Variants in VPS13A observed in about 807,000 individuals in gnomAD.
The protein encoded by VPS13A is intermembrane lipid transfer protein VPS13A.
Under a neutral mutation model 390.9 loss-of-function variants are expected in VPS13A, and 264 were observed. The observed-to-expected ratio is 0.68, with a 90% CI of 0.61 to 0.75. VPS13A has a LOEUF of 0.75. Ranked by LOEUF, VPS13A falls within the 30% of genes least tolerant of loss-of-function variation. VPS13A has a pLI of 0.00. For synonymous variants in VPS13A, 1,231 were observed against 1,227.1 expected (o/e 1.00, Z -0.07); for missense variants, 3,409 against 3,733.9 (o/e 0.91, Z 2.27).
Position 77,214,363 on chromosome 9 carries a change from T to C in VPS13A, c.731T>C (p.Ile244Thr), listed in dbSNP as rs1333039005. The C allele has an allele frequency of 6.2e-7, 1 of 1,613,138 alleles. No individual in the cohort carries two copies. The highest frequency in any genetic ancestry group is 1.1e-5 in the South Asian group (1 of 91,064). ...AAGAATGGCATTGTCAATGAAAATATTGTTCCAGAAGGTTATGATTTTGGT... is the reference window on the plus strand; with the variant it reads ...AAGAATGGCATTGTCAATGAAAATACTGTTCCAGAAGGTTATGATTTTGGT... ...DLKNGIVNEN[I>T]VPEGYDFVFR... Residue 244 changes from isoleucine to threonine, a missense_variant, in exon 10 of 72, where the codon ATT (isoleucine) becomes ACT (threonine). This residue lies in a region of VPS13A where 2,717 missense variants were observed against 2,917.4 expected (regional missense o/e 0.93). Coordinates refer to ENST00000360280, the MANE Select transcript of VPS13A (RefSeq NM_033305.3).
At chr9:77,325,094 C>G (rs1829937920) in intron 45 of VPS13A, among the ~76,000 whole-genome samples, 1 of 152,178 alleles carries the variant, frequency 6.6e-6, no homozygotes, top group Non-Finnish European at 1.5e-5. Flanking sequence ...AAAAATCAGG[C>G]AAGTACTCAC....
chr9:77,281,351 A>C (rs1165534192), intron 27 of VPS13A, among the ~76,000 whole-genome samples: 1 of 152,218 alleles, frequency 6.6e-6, no homozygotes, highest in Non-Finnish European at 1.5e-5. Context: ...TAGTTAGCTT[A>C]ATTTAATCAT....
At chr9:77,202,652 G>A (rs1170061490) in intron 3 of VPS13A, among the ~76,000 whole-genome samples, 1 of 152,140 alleles carries the variant, frequency 6.6e-6, no homozygotes, top group East Asian at 1.9e-4. Context: ...TTCAGTGTAT[G>A]TAAATTTAAC....
chr9:77,386,012 AAAAC>A (rs1399584992), intron 68 of VPS13A, among the ~76,000 whole-genome samples: 2 of 152,202 alleles, frequency 1.3e-5, no homozygotes, highest in East Asian at 1.9e-4. Context: ...AATTTGTTTG[AAAAC>A]AAACTTACTA....
intron 22 of VPS13A, among the ~76,000 whole-genome samples, chr9:77,253,692 C>T (rs1218376878): frequency 6.6e-6 from 1 of 152,094 alleles, no homozygotes; most frequent in Non-Finnish European, 1.5e-5. Context: ...TCTGTGTTTC[C>T]TTATCACTCT....
At position 77,416,782 on chromosome 9, in the gene VPS13A, T is replaced by C. The variant is rs1835182169; in HGVS notation, c.*776T>C. On this transcript the variant is annotated 3_prime_UTR_variant, in exon 72 of 72. Coordinates refer to ENST00000360280, the MANE Select transcript of VPS13A (RefSeq NM_033305.3). Reference sequence around the variant, plus strand: ...CCAAGTCATGTTTTTAATAGACTGCTAATATCAAAGGAGAATTTTTAAAGC... The same window carrying C: ...CCAAGTCATGTTTTTAATAGACTGCCAATATCAAAGGAGAATTTTTAAAGC... 2 of 152,740 alleles carry C rather than the reference T, an allele frequency of 1.3e-5. No individual in the cohort carries two copies. The highest frequency in any genetic ancestry group is 4.8e-5 in the African/African-American group (2 of 41,570). 9.5% of individuals were successfully genotyped at this position (152,740 alleles called of 1,614,324 possible).
At chr9:77,389,650 A>G (rs1833828803) in intron 68 of VPS13A, 1 of 152,064 alleles carries the variant, frequency 6.6e-6, no homozygotes. Flanking sequence ...TTTTCGTTAA[A>G]CATTTCTACC....
intron 68 of VPS13A, among the ~76,000 whole-genome samples, chr9:77,393,656 C>G (rs184090616): frequency 6.6e-6 from 1 of 152,252 alleles, no homozygotes; most frequent in African/African-American, 2.4e-5. Flanking sequence ...CTCTTGAGCC[C>G]GAGTGACTAG....
At chr9:77,257,409 A>T (rs1286531568) in intron 22 of VPS13A, among the ~76,000 whole-genome samples, 3 of 151,820 alleles carry the variant, frequency 2.0e-5, no homozygotes, top group Non-Finnish European at 2.9e-5. Context: ...TAATTTTTAA[A>T]TTTTTTTGTA....
rs199911832 is a variant in VPS13A at position 77,407,860 on chromosome 9, CTAAT to C, written c.9474+259_9474+262del. Among the ~76,000 whole-genome samples the C allele has an allele frequency of 7.0e-3, 1,058 of 152,120 alleles. 8 individuals carry two copies. The highest frequency in any genetic ancestry group is 0.02 in the Middle Eastern group (6 of 294). ...CTCCATCTTATTTTAAATGCTAACT[CTAAT>C]TAATTTTTTTTAATAAAAAAGTCAA... On this transcript the variant is annotated intron_variant, in intron 71 of 71. Transcript: ENST00000360280.
intron 68 of VPS13A, among the ~76,000 whole-genome samples, chr9:77,383,703 A>G (rs1350466402): frequency 1.3e-5 from 2 of 151,982 alleles, no homozygotes; most frequent in Non-Finnish European, 2.9e-5. Flanking sequence ...TTTGAGATGT[A>G]AAAACATGAC....
Position 77,242,501 on chromosome 9 carries a change from C to G in VPS13A, c.1900+4115C>G, listed in dbSNP as rs7025376. Among the ~76,000 whole-genome samples the G allele has an allele frequency of 1.7e-3, 265 of 152,102 alleles. 2 individuals carry two copies. Among genetic ancestry groups the G allele is most frequent in the African/African-American group, 5.8e-3 (241 of 41,540 alleles). On this transcript the variant is annotated intron_variant, in intron 19 of 71. Transcript: ENST00000360280. ...CTGAATAGTTTTAAATTAGATTGTA[C>G]ATGAATACCTTACCTCTAGAAACTG...
intron 23 of VPS13A, among the ~76,000 whole-genome samples, chr9:77,263,091 A>G (rs980956550): frequency 6.7e-5 from 10 of 148,734 alleles, no homozygotes; most frequent in African/African-American, 2.5e-4. Context: ...CATCTCTAGC[A>G]TCTGTTGTTT....
chr9:77,250,018 A>C, intron 20 of VPS13A, 79 bp from the exon 21 acceptor site: 1 of 1,496,998 alleles, frequency 6.7e-7, no homozygotes, highest in South Asian at 1.2e-5. Flanking sequence ...TTAACATTTT[A>C]TAAGTCTAAA....
At chr9:77,395,650 T>C (rs1386868528) in intron 68 of VPS13A, 1 of 152,158 alleles carries the variant, frequency 6.6e-6, no homozygotes, top group African/African-American at 2.4e-5. Flanking sequence ...TAAAATTAGA[T>C]ATGCCTGTAA....
intron 19 of VPS13A, among the ~76,000 whole-genome samples, chr9:77,246,692 C>G (rs531026106): frequency 9.2e-5 from 14 of 152,184 alleles, no homozygotes; most frequent in African/African-American, 3.1e-4. Flanking sequence ...ATTTGGTATA[C>G]TAATCACATG....
At chr9:77,330,783 A>T (rs1830239276) in intron 45 of VPS13A, among the ~76,000 whole-genome samples, 1 of 143,802 alleles carries the variant, frequency 7.0e-6, no homozygotes, top group Non-Finnish European at 1.5e-5. Context: ...CCCTCAAATT[A>T]AAAAAAAAAA....
At chr9:77,248,752 GA>G (rs937531865) in intron 20 of VPS13A, among the ~76,000 whole-genome samples, 5 of 151,956 alleles carry the variant, frequency 3.3e-5, no homozygotes, top group Non-Finnish European at 7.4e-5. Context: ...TTGTTTTTGA[GA>G]CATAGTCTCA....
At chr9:77,373,729 C>G (rs989550452) in intron 67 of VPS13A, among the ~76,000 whole-genome samples, 38 of 151,078 alleles carry the variant, frequency 2.5e-4, no homozygotes, top group African/African-American at 8.5e-4. Flanking sequence ...ATTTTCGCAA[C>G]CTACTCATCT....
Sources: gnomAD v4.1 joint callset for allele counts (sites outside exome capture counted in the v4.1 genomes callset) on GRCh38, gnomAD v4.1.1 for gene constraint, gnomAD v4.1.1 regional missense constraint, MANE v1.5 for transcripts, NCBI Gene and HGNC (gene_info 2026-07-23, HGNC 2026-07-21) for gene names.